PWWP3A: variants seen among roughly 807,000 people sequenced by gnomAD.
PWWP3A encodes PWWP domain-containing DNA repair factor 3A.
Under a neutral mutation model 79.0 loss-of-function variants are expected in PWWP3A, and 53 were observed. The ratio of observed to expected loss-of-function variants is 0.67; its 90% CI spans 0.54 to 0.84. The LOEUF (loss-of-function observed/expected upper bound fraction) is 0.84. PWWP3A is among the 40% of genes least tolerant of loss of function. The pLI, the probability that PWWP3A is intolerant of heterozygous loss-of-function variation, is 0.00. For missense variants in PWWP3A, 973 were observed against 948.0 expected, an observed-to-expected ratio of 1.03 and a Z score of -0.35; for synonymous variants, 443 against 394.4, an observed-to-expected ratio of 1.12 and a Z score of -1.46.
At chr19:1,355,401 C>T (rs1355318102) in intron 1 of PWWP3A, among the ~76,000 whole-genome samples, 2 of 151,414 alleles carry the variant, frequency 1.3e-5, no homozygotes, top group South Asian at 2.1e-4. Flanking sequence ...TGCCTGGACC[C>T]CTATCTCCTT....
At chr19:1,376,114 G>A (rs2082386105) in intron 13 of PWWP3A, among the ~76,000 whole-genome samples, 1 of 130,800 alleles carries the variant, frequency 7.6e-6, no homozygotes, top group South Asian at 2.5e-4. Context: ...TGGACTCTCT[G>A]TCATACTCTT....
At chr19:1,375,438 C>CAT (rs147392012) in intron 13 of PWWP3A, among the ~76,000 whole-genome samples, 93,339 of 127,754 alleles carry the variant, frequency 0.73, 34,224 homozygotes, top group Middle Eastern at 0.83. Flanking sequence ...TATATATAGC[C>CAT]ATATATATTT....
rs949323495 is a variant in PWWP3A, at chr19:1,360,038, G to C, written c.215-98G>C. ...CTTCAGTGATTTAGGTATGAAACTA[G>C]CCGTCAGAATGAGACAAGCGAGCTT... On this transcript the variant is annotated intron_variant, in intron 4 of 13. Coordinates refer to ENST00000591337, the MANE Select transcript of PWWP3A (RefSeq NM_001369789.1). The surrounding 1 kb of genome is among the most constrained non-coding windows in gnomAD (Gnocchi z 4.4). The C allele has an allele frequency of 5.6e-6, 7 of 1,242,436 alleles. No homozygotes were observed. The highest frequency in any genetic ancestry group is 7.5e-6 in the Non-Finnish European group (7 of 934,214). 77.0% of individuals were successfully genotyped at this position (1,242,436 alleles called of 1,614,324 possible).
chr19:1,373,462 C>T (rs2082304143), intron 13 of PWWP3A: 4 of 415,578 alleles, frequency 9.6e-6, no homozygotes, highest in African/African-American at 2.0e-5. Context: ...TTGCTTTTTG[C>T]ACTTTCCTCC....
chr19:1,375,558 A>AATTTTATATAT (rs1568965544), intron 13 of PWWP3A, among the ~76,000 whole-genome samples: 9 of 112,798 alleles, frequency 8.0e-5, no homozygotes, highest in African/African-American at 3.1e-4. Flanking sequence ...AATATATATT[A>AATTTTATATAT]TATATAAAAT....
At position 1,364,725 on chromosome 19, in the gene PWWP3A, G is replaced by A. The variant is rs566560550; in HGVS notation, c.1284+146G>A. On this transcript the variant is annotated intron_variant, in intron 7 of 13. Coordinates refer to ENST00000591337, the MANE Select transcript of PWWP3A (RefSeq NM_001369789.1). Reference sequence around the variant, plus strand: ...CCTGGGAAAAGTTGGTGGGTTTTTAGAAAAGACTTCAGGAGATGCCTGTAC... The same window carrying A: ...CCTGGGAAAAGTTGGTGGGTTTTTAAAAAAGACTTCAGGAGATGCCTGTAC... The A allele has an allele frequency of 7.0e-6, 5 of 716,422 alleles. No individual in the cohort carries two copies. In the South Asian group the frequency reaches 1.0e-4, roughly 15 times the overall value. The allele number at this position is 716,422 out of a possible 1,614,324, so 44.4% of individuals were successfully genotyped here.
chr19:1,374,883 G>C (rs182500944), intron 13 of PWWP3A, among the ~76,000 whole-genome samples: 1 of 151,904 alleles, frequency 6.6e-6, no homozygotes, highest in Admixed American at 6.6e-5. Flanking sequence ...CCCTAGTCTG[G>C]GTGACAGAGC....
Position 1,369,417 on chromosome 19 carries a change from C to T in PWWP3A, c.1498+77C>T, listed in dbSNP as rs895605790. On this transcript the variant is annotated intron_variant, in intron 10 of 13. Transcript: ENST00000591337. The surrounding 1 kb of genome is among the most constrained non-coding windows in gnomAD (Gnocchi z 4.0). ...TGAAGACCCCTTGGACGGGCTGGGC[C>T]GGAGCTGCCTGGAGGCGGGGCATAT... The T allele has an allele frequency of 7.1e-6, 11 of 1,552,990 alleles. No homozygotes were observed. Among genetic ancestry groups the T allele is most frequent in the Admixed American group, 1.7e-5 (1 of 59,514 alleles).
rs755766370 is a variant in PWWP3A at position 1,369,520 on chromosome 19, G to A, written c.1499-76G>A. 64 of 1,569,432 alleles carry A rather than the reference G, an allele frequency of 4.1e-5. No homozygotes were observed. The highest frequency in any genetic ancestry group is 1.8e-4 in the Middle Eastern group (1 of 5,624). On this transcript the variant is annotated intron_variant, in intron 10 of 13. Coordinates refer to ENST00000591337, the MANE Select transcript of PWWP3A (RefSeq NM_001369789.1). This position sits in a 1 kb window ranked among gnomAD's most constrained non-coding sequence, Gnocchi z 4.0. ...TGATTATTTCCTAAACAGAGACGCC[G>A]GGCCAGCCCCTGGAACACACTTCCT...
chr19:1,376,660 C>G lies in PWWP3A; in HGVS notation c.*84C>G, dbSNP rs551355330. On this transcript the variant is annotated 3_prime_UTR_variant, in exon 14 of 14. Transcript: ENST00000591337. ...TGAGCGTGTCTGAAGATGGGGGGCT[C>G]AGGGGGCACGTTTGCGTTTGGACCT... 5.2e-5 allele frequency: 73 copies of G among 1,394,156 alleles called. No homozygotes were observed. In the South Asian group the frequency reaches 5.4e-4, roughly 10 times the overall value. The allele number at this position is 1,394,156 out of a possible 1,614,324, so 86.4% of individuals were successfully genotyped here. A position where few individuals can be genotyped will look rare whatever the true frequency, so the allele number is the denominator to read the frequency against.
chr19:1,363,707 G>C (rs1170272280), intron 6 of PWWP3A, among the ~76,000 whole-genome samples: 2 of 152,208 alleles, frequency 1.3e-5, no homozygotes, highest in African/African-American at 4.8e-5. Context: ...TGTCCACGTG[G>C]GCCTGGAAGT....
Position 1,368,522 on chromosome 19 carries a change from C to T in PWWP3A, c.1423-743C>T, listed in dbSNP as rs1260758756. On this transcript the variant is annotated intron_variant, in intron 9 of 13. Transcript: ENST00000591337. The surrounding 1 kb of genome is among the most constrained non-coding windows in gnomAD (Gnocchi z 4.7). ...CTGGGCAGGCAGAGAGCGGCGTCCA[C>T]CCGGCCCTGGGATGTGCTTATGGGG... Among the ~76,000 whole-genome samples, 1 of 152,114 alleles carries T rather than the reference C, an allele frequency of 6.6e-6. No individual in the cohort carries two copies. Among genetic ancestry groups the T allele is most frequent in the East Asian group, 1.9e-4 (1 of 5,170 alleles).
chr19:1,358,956 G>A (rs2081948686), intron 4 of PWWP3A: 1 of 343,434 alleles, frequency 2.9e-6, no homozygotes, highest in African/African-American at 2.1e-5. Context: ...GGCACCCATT[G>A]TTTGAGGCAC....
chr19:1,373,229 C>T, intron 13 of PWWP3A, 69 bp downstream of exon 13: 1 of 1,431,470 alleles, frequency 7.0e-7, no homozygotes, highest in Non-Finnish European at 9.7e-7. Context: ...TCCACACCCA[C>T]AGGCAGTTTG....
At position 1,376,566 on chromosome 19, in the gene PWWP3A, GC is replaced by G. The variant is rs769554008; in HGVS notation, c.2125del (p.Arg709ValfsTer23). 1.9e-6 allele frequency: 3 copies of G among 1,613,394 alleles called. No individual in the cohort carries two copies. The highest frequency in any genetic ancestry group is 2.5e-6 in the Non-Finnish European group (3 of 1,179,878). ...CAGCTCCTTGAAGAGCGGAACCGGC[GC>G]CGTCGGTGAGGGAGCAGCCGGCTGT... The part of the protein sequence containing the change: ...DNQLLEERNR[R>X]RR On this transcript the variant is annotated frameshift_variant, in exon 14 of 14. Coordinates refer to ENST00000591337, the MANE Select transcript of PWWP3A (RefSeq NM_001369789.1). LOFTEE classifies it high-confidence loss of function.
At chr19:1,367,531 A>G (rs2082154397) in intron 9 of PWWP3A, among the ~76,000 whole-genome samples, 2 of 152,214 alleles carry the variant, frequency 1.3e-5, no homozygotes, top group African/African-American at 4.8e-5. Flanking sequence ...GCCTCTGCGC[A>G]AGGCCACCGC....
rs1568948744 is a variant in PWWP3A, at chr19:1,368,841, GCC to G, written c.1423-423_1423-422del. Among the ~76,000 whole-genome samples, 7 of 150,038 alleles carry G rather than the reference GCC, an allele frequency of 4.7e-5. No individual in the cohort carries two copies. Among genetic ancestry groups the G allele is most frequent in the African/African-American group, 1.7e-4 (7 of 40,352 alleles). On this transcript the variant is annotated intron_variant, in intron 9 of 13. Transcript: ENST00000591337. This position sits in a 1 kb window ranked among gnomAD's most constrained non-coding sequence, Gnocchi z 4.7. The stretch of plus-strand genomic sequence containing the variant: ...CGTCGATGCGTTCAGACCAGCCCAA[GCC>G]TTCGGGTCCCCGGTGCCCACCTGCG...
At position 1,357,025 on chromosome 19, in the gene PWWP3A, C is replaced by T. The variant is rs1405460839; in HGVS notation, c.74C>T (p.Ala25Val). The change falls in exon 3 of 14, where the codon GCG (alanine) becomes GTG (valine). Residue 25 changes from alanine to valine, a missense_variant. Physicochemically the swap from Ala to Val is moderately conservative, Grantham distance 64 (BLOSUM62 0). Coordinates refer to ENST00000591337, the MANE Select transcript of PWWP3A (RefSeq NM_001369789.1). ...TAAATGTAGGTTTTGGCCCGAACCGCGACTTCAACAAAAAATAAGAGAAGA... is the reference window on the plus strand; with the variant it reads ...TAAATGTAGGTTTTGGCCCGAACCGTGACTTCAACAAAAAATAAGAGAAGA... Reference protein sequence around the residue: ...LWPAKVLARTATSTKNKRRKE... With the variant: ...LWPAKVLARTVTSTKNKRRKE... 2 of 1,612,886 alleles carry T rather than the reference C, an allele frequency of 1.2e-6. No individual in the cohort carries two copies. The highest frequency in any genetic ancestry group is 1.7e-5 in the Admixed American group (1 of 59,736).
In PWWP3A at chr19:1,367,143, C is replaced by CCT; in HGVS notation, c.1362-10_1362-9dup. 1 of 1,606,134 alleles carries CCT rather than the reference C, an allele frequency of 6.2e-7. No homozygotes were observed. Among genetic ancestry groups the CCT allele is most frequent in the Non-Finnish European group, 8.5e-7 (1 of 1,174,944 alleles). ...GGAAGTTCATTCATGTTAACTTTTC[C>CCT]CTCTCTCTGCTTCAAGTTTCACAGT... On this transcript the variant is annotated splice_polypyrimidine_tract_variant and intron_variant, in intron 8 of 13. Transcript: ENST00000591337.
Sources: gnomAD v4.1 joint callset for allele counts (sites outside exome capture counted in the v4.1 genomes callset) on GRCh38, gnomAD v4.1.1 for gene constraint, Gnocchi (gnomAD v3.1) non-coding constraint, MANE v1.5 for transcripts, NCBI Gene and HGNC (gene_info 2026-07-23, HGNC 2026-07-21) for gene names.